SEZ6L2: variants seen among roughly 807,000 people sequenced by gnomAD.
SEZ6L2 encodes the protein seizure 6-like protein 2.
Under a neutral mutation model 97.0 loss-of-function variants are expected in SEZ6L2, and 44 were observed. The observed-to-expected ratio is 0.45, with a 90% confidence interval of 0.36 to 0.58. The LOEUF (loss-of-function observed/expected upper bound fraction) is 0.58. Among genes scored for constraint, SEZ6L2 ranks in the 20% least tolerant of loss-of-function variants. The probability of loss-of-function intolerance (pLI) is 0.00; values close to 1 mark genes in which losing one functional copy is unlikely to be tolerated. For missense variants in SEZ6L2, 1,086 were observed against 1,233.3 expected, an observed-to-expected ratio of 0.88 and a Z score of 1.79; for synonymous variants, 543 against 546.1, an observed-to-expected ratio of 0.99 and a Z score of 0.08.
intron 12 of SEZ6L2, among the ~76,000 whole-genome samples, chr16:29,875,808 G>A (rs1050456042): frequency 2.0e-5 from 3 of 151,742 alleles, no homozygotes; most frequent in South Asian, 2.1e-4. Context: ...GATTACAGGC[G>A]TATGCCACCA....
chr16:29,898,948 C>T lies in SEZ6L2; in HGVS notation c.72G>A (p.Trp24Ter), dbSNP rs2068468958. ...LLFLILLSCP[W>*]IQGLPLKEEE... ...ACAGTCTCATGTCCTTACCCTGGAT[C>T]CAGGGACAGCTCAGCAGAATTAGGA... The change falls in exon 1 of 18, where the codon TGG becomes TGA. Residue 24 changes from tryptophan (W) to a stop codon, truncating the protein, a stop_gained. Transcript: ENST00000617533. LOFTEE classifies it high-confidence loss of function. 2 of 1,611,020 alleles carry T rather than the reference C, an allele frequency of 1.2e-6. No individual in the cohort carries two copies. Among genetic ancestry groups the T allele is most frequent in the Admixed American group, 1.7e-5 (1 of 59,870 alleles).
chr16:29,872,641 C>T, intron 15 of SEZ6L2, 64 bp downstream of exon 15: 2 of 1,603,526 alleles, frequency 1.2e-6, no homozygotes, highest in Admixed American at 3.4e-5. Flanking sequence ...TGGCCTCCTG[C>T]CCCAGCCTCT....
At position 29,873,450 on chromosome 16, in the gene SEZ6L2, T is replaced by C; in HGVS notation, c.2297-19A>G. On this transcript the variant is annotated intron_variant, in intron 13 of 17. Coordinates refer to ENST00000617533, the MANE Select transcript of SEZ6L2 (RefSeq NM_001243332.2). This position sits in a 1 kb window ranked among gnomAD's most constrained non-coding sequence, Gnocchi z 4.3. Reference sequence around the variant, plus strand: ...TACTTCACTGCGGGGAGCATGCCAGTCACGTGCCAGCTGCACTACTGTGCA... The same window carrying C: ...TACTTCACTGCGGGGAGCATGCCAGCCACGTGCCAGCTGCACTACTGTGCA... The C allele has an allele frequency of 6.2e-7, 1 of 1,614,122 alleles. No homozygotes were observed. Among genetic ancestry groups the C allele is most frequent in the Non-Finnish European group, 8.5e-7 (1 of 1,179,988 alleles).
intron 8 of SEZ6L2, 105 bp from the exon 9 acceptor site, chr16:29,880,169 C>CA: frequency 1.3e-6 from 1 of 789,784 alleles, no homozygotes; most frequent in Non-Finnish European, 1.8e-6. Flanking sequence ...ACTCACTGGG[C>CA]TTTTTTTTTT....
intron 1 of SEZ6L2, among the ~76,000 whole-genome samples, chr16:29,898,446 T>TC (rs1429732968): frequency 4.1e-5 from 6 of 147,976 alleles, no homozygotes; most frequent in South Asian, 4.2e-4. Flanking sequence ...TCTCTCTCTC[T>TC]CCCCCCCACC....
At chr16:29,897,223 A>G (rs974069961) in intron 2 of SEZ6L2, 102 bp from the exon 3 acceptor site, 38 of 1,056,782 alleles carry the variant, frequency 3.6e-5, no homozygotes, top group Non-Finnish European at 5.0e-5. Context: ...GCCATACCAC[A>G]AAAGCCTCCC....
chr16:29,896,792 C>G (rs1243539430), intron 3 of SEZ6L2, 30 bp downstream of exon 3: 1 of 1,604,432 alleles, frequency 6.2e-7, no homozygotes, highest in South Asian at 1.1e-5. Flanking sequence ...CTCCGGTCCT[C>G]CCACCCCCAT....
In SEZ6L2 at chr16:29,879,992, C is replaced by G. The variant is rs758674415; in HGVS notation, c.1445G>C (p.Arg482Pro). 6.2e-6 allele frequency: 10 copies of G among 1,613,990 alleles called. No homozygotes were observed. The highest frequency in any genetic ancestry group is 8.5e-6 in the Non-Finnish European group (10 of 1,180,022). ...CGAGAAGGTTGCCAGTGCCCCTGGG[C>G]GATACTCAGGGTCCGTGGTAGTGAC... ...GNVTTTDPEY[R>P]PGALATFSCL... The change falls in exon 9 of 18, where the codon CGC becomes CCC. Residue 482 changes from arginine to proline, a missense_variant. Physicochemically the swap from Arg to Pro is moderately radical, Grantham distance 103. This residue lies in a region of SEZ6L2 where 776 missense variants were observed against 794.7 expected (regional missense o/e 0.98). Coordinates refer to ENST00000617533, the MANE Select transcript of SEZ6L2 (RefSeq NM_001243332.2).
rs964513286 is a variant in SEZ6L2 at position 29,871,373 on chromosome 16, G to A, written c.*326C>T. ...TGGCCAAGGGAACAGTAGAGCTATC[G>A]GGGGCAGTCCTTGAGGGGTGCCCTG... is the stretch of plus-strand genomic sequence containing the variant. On this transcript the variant is annotated 3_prime_UTR_variant, in exon 18 of 18. Coordinates refer to ENST00000617533, the MANE Select transcript of SEZ6L2 (RefSeq NM_001243332.2). 2 of 459,162 alleles carry A rather than the reference G, an allele frequency of 4.4e-6. No homozygotes were observed. The highest frequency in any genetic ancestry group is 4.0e-5 in the East Asian group (1 of 24,948). The allele number at this position is 459,162 out of a possible 1,614,324, so 28.4% of individuals were successfully genotyped here. A position where few individuals can be genotyped will look rare whatever the true frequency, so the allele number is the denominator to read the frequency against.
rs1440847587 is a variant in SEZ6L2 at position 29,894,461 on chromosome 16, C to T, written c.853+798G>A. Among the ~76,000 whole-genome samples, 30 of 131,362 alleles carry T rather than the reference C, an allele frequency of 2.3e-4. 1 individual carries two copies. The highest frequency in any genetic ancestry group is 6.3e-5 in the Non-Finnish European group (4 of 63,272). The allele number at this position is 131,362 out of a possible 152,430, so 86.2% of individuals were successfully genotyped here. On this transcript the variant is annotated intron_variant, in intron 5 of 17. Transcript: ENST00000617533. ...CCCTTTCCCTGGCGAATTTATCCTT[C>T]AGGTCTCAGCTTAGTCATCATCTCC...
At chr16:29,872,078 C>T in intron 17 of SEZ6L2, 109 bp downstream of exon 17, 1 of 878,230 alleles carries the variant, frequency 1.1e-6, no homozygotes, top group Admixed American at 2.8e-5. Flanking sequence ...CCTCTGGGGG[C>T]AGCTGAGTTT....
intron 8 of SEZ6L2, among the ~76,000 whole-genome samples, chr16:29,881,409 G>A (rs1001633766): frequency 2.6e-5 from 4 of 152,088 alleles, no homozygotes; most frequent in African/African-American, 9.7e-5. Context: ...TAGGTGTATT[G>A]TCTCCTCAGA....
At chr16:29,882,516 G>C (rs922798174) in intron 8 of SEZ6L2, among the ~76,000 whole-genome samples, 8 of 151,286 alleles carry the variant, frequency 5.3e-5, no homozygotes, top group Non-Finnish European at 1.2e-4. Flanking sequence ...GGCGGAGGTT[G>C]CAGTGAGCCG....
chr16:29,880,366 C>T (rs549728572), intron 8 of SEZ6L2, among the ~76,000 whole-genome samples: 1 of 151,590 alleles, frequency 6.6e-6, no homozygotes, highest in Non-Finnish European at 1.5e-5. Flanking sequence ...ACACTTGTTG[C>T]CCAGGCTGGA....
chr16:29,898,876 AAGG>A, intron 1 of SEZ6L2, 62 bp downstream of exon 1: 1 of 1,263,278 alleles, frequency 7.9e-7, no homozygotes, highest in Non-Finnish European at 1.1e-6. Context: ...TATTAAGAGA[AAGG>A]AGGGTGGAGG....
At chr16:29,871,847 G>A in intron 17 of SEZ6L2, 119 bp from the exon 18 acceptor site, 1 of 886,996 alleles carries the variant, frequency 1.1e-6, no homozygotes, top group Non-Finnish European at 1.8e-6. Flanking sequence ...AGGGGCTGGG[G>A]GGCCAGTGAA....
At chr16:29,882,608 C>T (rs1246382413) in intron 8 of SEZ6L2, among the ~76,000 whole-genome samples, 5 of 150,696 alleles carry the variant, frequency 3.3e-5, no homozygotes, top group African/African-American at 9.8e-5. Flanking sequence ...AAAAATGAGA[C>T]AGGGCCTTGC....
Position 29,881,789 on chromosome 16 carries a change from G to A in SEZ6L2, c.1373-1725C>T, listed in dbSNP as rs900923366. On this transcript the variant is annotated intron_variant, in intron 8 of 17. Transcript: ENST00000617533. ...ATTACAGGCACCCACAACCACCCCCGGCTAATTTTTGTATTTTTTTAGTAG... is the reference window on the plus strand; with the variant it reads ...ATTACAGGCACCCACAACCACCCCCAGCTAATTTTTGTATTTTTTTAGTAG... 3.4e-5 allele frequency among the ~76,000 whole-genome samples: 5 copies of A among 146,260 alleles called. No individual in the cohort carries two copies. In the South Asian group the frequency reaches 6.5e-4, roughly 19 times the overall value.
At chr16:29,883,920 A>G (rs2068078664) in intron 8 of SEZ6L2, among the ~76,000 whole-genome samples, 1 of 151,772 alleles carries the variant, frequency 6.6e-6, no homozygotes, top group South Asian at 2.1e-4. Context: ...CGACAAAGCA[A>G]GACCTATTTC....
Sources: allele counts gnomAD v4.1 joint callset (sites outside exome capture counted in the v4.1 genomes callset), GRCh38; gene constraint gnomAD v4.1.1; regional missense constraint gnomAD v4.1.1; non-coding constraint Gnocchi (gnomAD v3.1); transcripts MANE v1.5; gene names NCBI Gene and HGNC (gene_info 2026-07-23, HGNC 2026-07-21).